Variants in ROBO2 observed in about 807,000 individuals in gnomAD.
ROBO2 encodes the protein roundabout guidance receptor 2, also known as roundabout homolog 2.
A neutral mutation model predicts 160.8 loss-of-function variants in ROBO2; 53 were observed. The observed-to-expected ratio is 0.33, with a 90% CI of 0.26 to 0.41. The LOEUF is 0.41. ROBO2 is among the 10% of genes least tolerant of loss of function. The probability of loss-of-function intolerance (pLI) is 1.00; values close to 1 mark genes in which losing one functional copy is unlikely to be tolerated. For synonymous variants in ROBO2, 664 were observed against 611.7 expected (o/e 1.09, Z -1.26); for missense variants, 1,577 against 1,722.4 (o/e 0.92, Z 1.49).
intron 2 of ROBO2, among the ~76,000 whole-genome samples, chr3:77,204,131 A>G (rs2083186283): frequency 1.3e-5 from 2 of 152,118 alleles, no homozygotes; most frequent in Admixed American, 1.3e-4. Flanking sequence ...GTCTATTTTG[A>G]GTTAGGGCTC....
intron 2 of ROBO2, among the ~76,000 whole-genome samples, chr3:77,450,382 C>A (rs1254994339): frequency 6.6e-6 from 1 of 151,990 alleles, no homozygotes; most frequent in Non-Finnish European, 1.5e-5. Context: ...AGCTTAATGA[C>A]CTTTGGAATA....
intron 2 of ROBO2, among the ~76,000 whole-genome samples, chr3:76,683,269 A>T (rs1298392463): frequency 1.3e-5 from 2 of 152,126 alleles, no homozygotes; most frequent in Non-Finnish European, 2.9e-5. Context: ...ACACTTATTG[A>T]GAAATTGAAA....
Position 75,983,892 on chromosome 3 carries a change from C to T in ROBO2, c.109+46290C>T, listed in dbSNP as rs77406173. Among the ~76,000 whole-genome samples, 853 of 151,550 alleles carry T rather than the reference C, an allele frequency of 5.6e-3. 13 individuals carry two copies. Among genetic ancestry groups the T allele is most frequent in the African/African-American group, 0.018 (756 of 41,484 alleles). ...TTAATTACTTATTAATAACTAGTTT[C>T]GTTTGTCTTATTTTTGGCAGGGCTA... is the stretch of plus-strand genomic sequence containing the variant. On this transcript the variant is annotated intron_variant, in intron 2 of 26. Transcript: ENST00000487694.
Position 77,617,787 on chromosome 3 carries a change from T to C in ROBO2, c.3554+14T>C. The C allele has an allele frequency of 1.3e-6, 2 of 1,590,882 alleles. No homozygotes were observed. Among genetic ancestry groups the C allele is most frequent in the Admixed American group, 3.5e-5 (2 of 57,702 alleles). On this transcript the variant is annotated intron_variant, in intron 22 of 25. Transcript: ENST00000461745. Reference sequence around the variant, plus strand: ...AAAACAAACATGGTAAATATCTTCATTAAGTCAAGAGACCCATGCTTTCAA... The same window carrying C: ...AAAACAAACATGGTAAATATCTTCACTAAGTCAAGAGACCCATGCTTTCAA...
intron 2 of ROBO2, among the ~76,000 whole-genome samples, chr3:76,504,843 A>G (rs1020342654): frequency 6.6e-6 from 1 of 151,972 alleles, no homozygotes; most frequent in Non-Finnish European, 1.5e-5. Flanking sequence ...TATTCTTTAA[A>G]CTGTGAAAAC....
chr3:77,542,109 CT>C (rs1159403283), intron 6 of ROBO2, among the ~76,000 whole-genome samples: 3 of 152,186 alleles, frequency 2.0e-5, no homozygotes, highest in Admixed American at 1.3e-4. Context: ...TCACTGCCAC[CT>C]GGCAGAGACA....
At chr3:77,339,756 T>C (rs1053813483) in intron 2 of ROBO2, among the ~76,000 whole-genome samples, 3 of 151,150 alleles carry the variant, frequency 2.0e-5, no homozygotes, top group Admixed American at 1.3e-4. Flanking sequence ...CATTATAATA[T>C]ATATTTTAAA....
intron 2 of ROBO2, among the ~76,000 whole-genome samples, chr3:76,910,859 G>A (rs2075951796): frequency 6.6e-6 from 1 of 152,006 alleles, no homozygotes; most frequent in South Asian, 2.1e-4. Flanking sequence ...CTTTTGAGGA[G>A]GGGCATATAT....
intron 1 of ROBO2, among the ~76,000 whole-genome samples, chr3:77,048,479 A>T (rs2064911082): frequency 6.6e-6 from 1 of 152,188 alleles, no homozygotes; most frequent in Admixed American, 6.5e-5. Flanking sequence ...TAGCAAGTAG[A>T]CCATGCTTGT....
intron 2 of ROBO2, among the ~76,000 whole-genome samples, chr3:76,166,471 C>T (rs80189806): frequency 0.035 from 5,328 of 152,102 alleles, 236 homozygotes; most frequent in African/African-American, 0.1. Context: ...TTGATTTAGC[C>T]GTTGTATTCT....
At chr3:76,474,803 C>T (rs960088861) in intron 2 of ROBO2, among the ~76,000 whole-genome samples, 4 of 152,072 alleles carry the variant, frequency 2.6e-5, no homozygotes, top group African/African-American at 9.7e-5. Context: ...CTCACTCTTG[C>T]ATCTGCAGAT....
chr3:77,285,965 A>G (rs998484192), intron 2 of ROBO2, among the ~76,000 whole-genome samples: 1 of 152,174 alleles, frequency 6.6e-6, no homozygotes, highest in African/African-American at 2.4e-5. Context: ...TATAAAAGCT[A>G]TGAAGAGAAA....
chr3:77,209,720 CA>C, intron 2 of ROBO2, among the ~76,000 whole-genome samples: 2 of 152,202 alleles, frequency 1.3e-5, no homozygotes, highest in Middle Eastern at 6.8e-3. Flanking sequence ...TCCTAATCTA[CA>C]AAATTAGAGG....
chr3:76,763,770 C>T (rs1002988545), intron 2 of ROBO2, among the ~76,000 whole-genome samples: 1 of 151,646 alleles, frequency 6.6e-6, no homozygotes, highest in Admixed American at 6.6e-5. Flanking sequence ...TTCAGTGGAC[C>T]TCAGATTCTG....
At chr3:77,412,699 C>G (rs2076900627) in intron 2 of ROBO2, among the ~76,000 whole-genome samples, 1 of 152,186 alleles carries the variant, frequency 6.6e-6, no homozygotes, top group African/African-American at 2.4e-5. Context: ...GAGACCCATC[C>G]TGCCAAGACT....
At chr3:76,664,595 C>T (rs1194000524) in intron 2 of ROBO2, among the ~76,000 whole-genome samples, 6 of 152,104 alleles carry the variant, frequency 3.9e-5, no homozygotes, top group Non-Finnish European at 8.8e-5. Flanking sequence ...GTTTGGAAAA[C>T]GCTTCAGGTC....
intron 2 of ROBO2, among the ~76,000 whole-genome samples, chr3:77,291,850 G>T (rs1270523027): frequency 6.6e-6 from 1 of 151,742 alleles, no homozygotes; most frequent in Non-Finnish European, 1.5e-5. Context: ...GTAAGCTGAG[G>T]CTAGATCACC....
intron 4 of ROBO2, among the ~76,000 whole-genome samples, chr3:77,488,437 A>G (rs1011423543): frequency 6.6e-6 from 1 of 152,236 alleles, no homozygotes; most frequent in Non-Finnish European, 1.5e-5. Flanking sequence ...GTGGTCAGAC[A>G]TAAGGTATTA....
At chr3:76,865,762 A>G (rs2071303775) in intron 2 of ROBO2, among the ~76,000 whole-genome samples, 1 of 152,132 alleles carries the variant, frequency 6.6e-6, no homozygotes, top group African/African-American at 2.4e-5. Context: ...GTTGTAAGGA[A>G]TATCCTCTTC....
Sources: gnomAD v4.1 joint callset for allele counts (sites outside exome capture counted in the v4.1 genomes callset) on GRCh38, gnomAD v4.1.1 for gene constraint, MANE v1.5 for transcripts, NCBI Gene and HGNC (gene_info 2026-07-23, HGNC 2026-07-21) for gene names.